THSD4: variants seen among roughly 807,000 people sequenced by gnomAD.
THSD4 encodes the protein thrombospondin type 1 domain containing 4.
A neutral mutation model predicts 119.0 loss-of-function variants in THSD4; 69 were observed. The ratio of observed to expected loss-of-function variants is 0.58; its 90% CI spans 0.48 to 0.71. THSD4 has a LOEUF of 0.71. THSD4 is among the 30% of genes least tolerant of loss of function. The pLI is 0.00. For missense variants in THSD4, 1,393 were observed against 1,391.1 expected (o/e 1.00, Z -0.02); for synonymous variants, 524 against 540.4 (o/e 0.97, Z 0.42).
chr15:71,369,773 A>T (rs2046017834), intron 6 of THSD4, among the ~76,000 whole-genome samples: 1 of 152,194 alleles, frequency 6.6e-6, no homozygotes, highest in Non-Finnish European at 1.5e-5. Context: ...AGGCTTTGGT[A>T]TCGGGATGAT....
chr15:71,724,287 A>ATATTTTT lies in THSD4; in HGVS notation c.1358-4261_1358-4260insATTTTTT. 2.5e-3 allele frequency among the ~76,000 whole-genome samples: 92 copies of ATATTTTT among 37,290 alleles called. 3 individuals are homozygous for ATATTTTT. Among genetic ancestry groups the ATATTTTT allele is most frequent in the African/African-American group, 5.1e-3 (77 of 15,078 alleles). 24.5% of individuals were successfully genotyped at this position (37,290 alleles called of 152,430 possible). On this transcript the variant is annotated intron_variant, in intron 8 of 17. Transcript: ENST00000261862. ...ATGGGATATATATATATATATATAT[A>ATATTTTT]TTTTTTTTTTCCCCCCAAGATGGAA...
chr15:71,302,108 C>T (rs751511470), intron 6 of THSD4, among the ~76,000 whole-genome samples: 13 of 152,184 alleles, frequency 8.5e-5, no homozygotes, highest in Admixed American at 2.6e-4. Flanking sequence ...AACCCAGAAA[C>T]GCATTCCACA....
At chr15:71,532,940 C>T (rs1352294788) in intron 7 of THSD4, among the ~76,000 whole-genome samples, 1 of 152,116 alleles carries the variant, frequency 6.6e-6, no homozygotes, top group Non-Finnish European at 1.5e-5. Flanking sequence ...GTAAAGTTTT[C>T]CATTTAGGCA....
At chr15:71,202,700 G>A (rs1488339279) in intron 3 of THSD4, among the ~76,000 whole-genome samples, 1 of 152,110 alleles carries the variant, frequency 6.6e-6, no homozygotes, top group Middle Eastern at 3.2e-3. Context: ...TGATAACCTG[G>A]GAAGATGCCA....
At chr15:71,771,262 G>C in intron 17 of THSD4, 54 bp downstream of exon 17, 1 of 1,600,588 alleles carries the variant, frequency 6.2e-7, no homozygotes, top group Non-Finnish European at 8.5e-7. Flanking sequence ...AAGCTTGTCA[G>C]ATTCTCCGGT....
chr15:71,478,068 G>A (rs2047677573), intron 7 of THSD4, among the ~76,000 whole-genome samples: 1 of 152,162 alleles, frequency 6.6e-6, no homozygotes, highest in African/African-American at 2.4e-5. Flanking sequence ...TAAAGATGTT[G>A]CTCATTACAT....
chr15:71,312,996 C>T (rs932207910), intron 6 of THSD4, among the ~76,000 whole-genome samples: 4 of 152,164 alleles, frequency 2.6e-5, no homozygotes, highest in South Asian at 4.1e-4. Flanking sequence ...TTCACTGCCA[C>T]GTCTTCACTC....
At chr15:71,448,693 C>T (rs2047222879) in intron 7 of THSD4, among the ~76,000 whole-genome samples, 1 of 152,152 alleles carries the variant, frequency 6.6e-6, no homozygotes, top group Non-Finnish European at 1.5e-5. Context: ...GATCTTAATG[C>T]AGTCCTTCCT....
chr15:71,413,511 A>G (rs2046717888), intron 7 of THSD4, among the ~76,000 whole-genome samples: 1 of 151,958 alleles, frequency 6.6e-6, no homozygotes, highest in Non-Finnish European at 1.5e-5. Context: ...CAGGAGTTCA[A>G]TTTTGGTTTT....
intron 7 of THSD4, among the ~76,000 whole-genome samples, chr15:71,496,371 A>G (rs751741589): frequency 1.9e-4 from 29 of 152,190 alleles, no homozygotes; most frequent in Non-Finnish European, 1.0e-4. Flanking sequence ...ATCATGGCCT[A>G]TAGTCCCAAA....
At chr15:71,663,590 T>C (rs1459766879) in intron 8 of THSD4, among the ~76,000 whole-genome samples, 1 of 152,232 alleles carries the variant, frequency 6.6e-6, no homozygotes, top group Non-Finnish European at 1.5e-5. Context: ...TCTTCACAGG[T>C]GTTCTCTTTA....
chr15:71,491,263 A>G (rs571101960), intron 7 of THSD4, among the ~76,000 whole-genome samples: 2 of 152,300 alleles, frequency 1.3e-5, no homozygotes, highest in Non-Finnish European at 2.9e-5. Flanking sequence ...GGTATCTGCT[A>G]TGGTTTGAGT....
At chr15:71,763,753 T>TA (rs546504467) in intron 15 of THSD4, among the ~76,000 whole-genome samples, 1 of 151,496 alleles carries the variant, frequency 6.6e-6, no homozygotes, top group African/African-American at 2.4e-5. Context: ...CCCCCGTCTC[T>TA]AAAAAAAATT....
At chr15:71,681,361 A>G (rs1215315620) in intron 8 of THSD4, among the ~76,000 whole-genome samples, 1 of 152,144 alleles carries the variant, frequency 6.6e-6, no homozygotes, top group Non-Finnish European at 1.5e-5. Context: ...TAGACTTATC[A>G]AGCCAACAAT....
Position 71,141,631 on chromosome 15 carries a change from TA to T in THSD4, c.29+78del, listed in dbSNP as rs1404589509. The T allele has an allele frequency of 5.1e-5, 75 of 1,476,576 alleles. 1 individual carries two copies. In the Admixed American group the frequency reaches 1.5e-3, roughly 29 times the overall value. 91.5% of individuals were successfully genotyped at this position (1,476,576 alleles called of 1,614,324 possible). ...ATTTGCATTTTACTCTGTCATTTCT[TA>T]AAGTAAGTGATCTTAAGGGTCTGCA... is the stretch of plus-strand genomic sequence containing the variant. On this transcript the variant is annotated intron_variant, in intron 2 of 17. Coordinates refer to ENST00000261862, the MANE Select transcript of THSD4 (RefSeq NM_024817.3).
chr15:71,301,377 G>A (rs932453719), intron 6 of THSD4, among the ~76,000 whole-genome samples: 11 of 151,922 alleles, frequency 7.2e-5, no homozygotes, highest in South Asian at 2.1e-4. Flanking sequence ...GATTTTTCAC[G>A]GCTCCAAGTA....
At chr15:71,697,672 CAAAAG>C (rs996800861) in intron 8 of THSD4, among the ~76,000 whole-genome samples, 10 of 152,140 alleles carry the variant, frequency 6.6e-5, no homozygotes, top group Admixed American at 4.6e-4. Flanking sequence ...CCATGTAAAA[CAAAAG>C]AAGAGAGGGC....
intron 6 of THSD4, among the ~76,000 whole-genome samples, chr15:71,299,973 A>AT (rs1567186691): frequency 2.1e-3 from 79 of 37,506 alleles, no homozygotes; most frequent in South Asian, 0.018. Context: ...AAAAAAAAAA[A>AT]AAAATATATA....
At chr15:71,250,471 C>A (rs2044248117) in intron 5 of THSD4, among the ~76,000 whole-genome samples, 1 of 152,144 alleles carries the variant, frequency 6.6e-6, no homozygotes, top group Non-Finnish European at 1.5e-5. Context: ...CAGGCATGCA[C>A]TACCATGCTC....
Sources: gnomAD v4.1 joint callset for allele counts (sites outside exome capture counted in the v4.1 genomes callset) on GRCh38, gnomAD v4.1.1 for gene constraint, MANE v1.5 for transcripts, NCBI Gene and HGNC (gene_info 2026-07-23, HGNC 2026-07-21) for gene names.